PSKH1: variants seen among roughly 807,000 people sequenced by gnomAD.
PSKH1 encodes the protein protein serine kinase H1.
Under a neutral mutation model 26.7 loss-of-function variants are expected in PSKH1, and 12 were observed. That is an observed-to-expected ratio of 0.45 (90% confidence interval 0.29 to 0.73). The LOEUF (loss-of-function observed/expected upper bound fraction) is 0.73. Ranked by LOEUF, PSKH1 falls within the 30% of genes least tolerant of loss-of-function variation. The pLI, the probability that PSKH1 is intolerant of heterozygous loss-of-function variation, is 0.11. For synonymous variants in PSKH1, 213 were observed against 234.3 expected (o/e 0.91, Z 0.83); for missense variants, 431 against 595.2 (o/e 0.72, Z 2.87).
At chr16:67,899,124 G>T (rs77281232) in intron 1 of PSKH1, among the ~76,000 whole-genome samples, 2 of 152,126 alleles carry the variant, frequency 1.3e-5, no homozygotes, top group Non-Finnish European at 2.9e-5. Flanking sequence ...CAGAAATGGG[G>T]CTAGGTTTGG....
chr16:67,914,558 G>A (rs2058181748), intron 2 of PSKH1, among the ~76,000 whole-genome samples: 1 of 151,916 alleles, frequency 6.6e-6, no homozygotes, highest in South Asian at 2.1e-4. Context: ...AGGTTCCAGC[G>A]ATTCTCCTGC....
intron 1 of PSKH1, among the ~76,000 whole-genome samples, chr16:67,896,889 G>C (rs563539940): frequency 6.6e-6 from 1 of 152,252 alleles, no homozygotes; most frequent in South Asian, 2.1e-4. Flanking sequence ...TTCACCTCAG[G>C]CATCTGGTTG....
chr16:67,902,427 T>C (rs1311829149), intron 1 of PSKH1, among the ~76,000 whole-genome samples: 1 of 152,028 alleles, frequency 6.6e-6, no homozygotes, highest in Non-Finnish European at 1.5e-5. Flanking sequence ...CCTGAGCAGC[T>C]GGGATTACAG....
chr16:67,909,531 C>T lies in PSKH1; in HGVS notation c.782C>T (p.Pro261Leu). 6.2e-7 allele frequency: 1 copy of T among 1,613,874 alleles called. No homozygotes were observed. The highest frequency in any genetic ancestry group is 8.5e-7 in the Non-Finnish European group (1 of 1,180,032). ...TTGATGAAGACCACCTGTGGCACGCCTGAGTACATTGCCCCAGAAGTCCTG... is the reference window on the plus strand; with the variant it reads ...TTGATGAAGACCACCTGTGGCACGCTTGAGTACATTGCCCCAGAAGTCCTG... ...DCLMKTTCGTPEYIAPEVLVR... is the reference protein window; with the variant it reads ...DCLMKTTCGTLEYIAPEVLVR... The change falls in exon 2 of 3, where the codon CCT becomes CTT. Residue 261 changes from proline to leucine, a missense_variant. Pro to Leu is a moderately conservative substitution (Grantham distance 98, BLOSUM62 -3). Transcript: ENST00000291041. This position sits in a 1 kb window ranked among gnomAD's most constrained non-coding sequence, Gnocchi z 7.8.
intron 2 of PSKH1, among the ~76,000 whole-genome samples, chr16:67,921,169 T>G (rs1426471715): frequency 6.6e-6 from 1 of 152,020 alleles, no homozygotes; most frequent in South Asian, 2.1e-4. Context: ...TCCCAGCTAC[T>G]TGGGAGGCTG....
chr16:67,897,320 G>T (rs1052857715), intron 1 of PSKH1, among the ~76,000 whole-genome samples: 9 of 152,200 alleles, frequency 5.9e-5, no homozygotes, highest in Non-Finnish European at 1.3e-4. Flanking sequence ...CTTACTCAAG[G>T]AGCATTAAGC....
intron 2 of PSKH1, among the ~76,000 whole-genome samples, chr16:67,912,783 A>C (rs961972747): frequency 2.0e-5 from 3 of 152,054 alleles, no homozygotes; most frequent in African/African-American, 4.8e-5. Context: ...CAGGAGAATC[A>C]CTTGAACCCA....
At chr16:67,918,949 G>A (rs1464710466) in intron 2 of PSKH1, among the ~76,000 whole-genome samples, 1 of 152,150 alleles carries the variant, frequency 6.6e-6, no homozygotes, top group Non-Finnish European at 1.5e-5. Flanking sequence ...AAAATGAGAT[G>A]CAGAGAATGT....
chr16:67,927,384 C>T lies in PSKH1; in HGVS notation c.1017C>T (p.Asp339=). Residue 339 remains aspartate, a synonymous_variant, in exon 3 of 3, where the codon GAC becomes GAT. Transcript: ENST00000291041. The surrounding 1 kb of genome is among the most constrained non-coding windows in gnomAD (Gnocchi z 5.5). The part of the protein sequence containing the change: ...KDFIDRLLTV[D]PGARMTALQA... ...TCATTGACCGCCTGCTGACAGTGGA[C>T]CCTGGAGCCCGTATGACTGCACTGC... 1 of 1,614,134 alleles carries T rather than the reference C, an allele frequency of 6.2e-7. No individual in the cohort carries two copies. Among genetic ancestry groups the T allele is most frequent in the Non-Finnish European group, 8.5e-7 (1 of 1,179,966 alleles).
At chr16:67,918,390 A>G (rs2058193354) in intron 2 of PSKH1, among the ~76,000 whole-genome samples, 1 of 151,776 alleles carries the variant, frequency 6.6e-6, no homozygotes, top group Non-Finnish European at 1.5e-5. Context: ...TTTCTCACAG[A>G]GCCTTGTGAG....
At position 67,927,312 on chromosome 16, in the gene PSKH1, C is replaced by T. The variant is rs1057243959; in HGVS notation, c.958-13C>T. The T allele has an allele frequency of 1.3e-6, 2 of 1,595,106 alleles. No individual in the cohort carries two copies. Among genetic ancestry groups the T allele is most frequent in the Non-Finnish European group, 8.6e-7 (1 of 1,167,662 alleles). On this transcript the variant is annotated splice_polypyrimidine_tract_variant and intron_variant, in intron 2 of 2. Coordinates refer to ENST00000291041, the MANE Select transcript of PSKH1 (RefSeq NM_006742.3). This position sits in a 1 kb window ranked among gnomAD's most constrained non-coding sequence, Gnocchi z 5.5. ...CAGATGCTCTCACTCTAATGCTTGT[C>T]CTTGGTCTCTAGCCCTGGCCTAGTG...
intron 2 of PSKH1, among the ~76,000 whole-genome samples, chr16:67,911,399 C>A (rs2058172935): frequency 6.6e-6 from 1 of 152,158 alleles, no homozygotes; most frequent in Non-Finnish European, 1.5e-5. Flanking sequence ...CACCCAACAG[C>A]TGGCCAGGTG....
Position 67,909,331 on chromosome 16 carries a change from C to G in PSKH1, c.582C>G (p.Asp194Glu). ...CCAAGGGCTCCTTCACCGAGCGTGA[C>G]GCCACGCGGGTGCTGCAGATGGTGC... ...IIAKGSFTER[D>E]ATRVLQMVLD... The change falls in exon 2 of 3, where the codon GAC (aspartate) becomes GAG (glutamate). Residue 194 changes from aspartate to glutamate, a missense_variant. Coordinates refer to ENST00000291041, the MANE Select transcript of PSKH1 (RefSeq NM_006742.3). The surrounding 1 kb of genome is among the most constrained non-coding windows in gnomAD (Gnocchi z 7.8). The G allele has an allele frequency of 6.2e-7, 1 of 1,614,072 alleles. No individual in the cohort carries two copies. The highest frequency in any genetic ancestry group is 8.5e-7 in the Non-Finnish European group (1 of 1,180,022).
chr16:67,895,615 G>C (rs978898395), intron 1 of PSKH1, among the ~76,000 whole-genome samples: 1 of 152,028 alleles, frequency 6.6e-6, no homozygotes, highest in Admixed American at 6.6e-5. Context: ...CATCCTGTTG[G>C]CCAGGCTGGT....
intron 2 of PSKH1, among the ~76,000 whole-genome samples, chr16:67,924,004 T>C (rs1267594771): frequency 6.6e-6 from 1 of 152,186 alleles, no homozygotes; most frequent in Non-Finnish European, 1.5e-5. Flanking sequence ...TTCTAAGCCC[T>C]GTGGGAGGCC....
At chr16:67,924,683 A>G (rs998434378) in intron 2 of PSKH1, among the ~76,000 whole-genome samples, 2 of 152,224 alleles carry the variant, frequency 1.3e-5, no homozygotes, top group African/African-American at 4.8e-5. Context: ...CTGGGCTGTC[A>G]GCCCTGTCTT....
intron 2 of PSKH1, among the ~76,000 whole-genome samples, chr16:67,916,265 C>T (rs1213394949): frequency 1.3e-5 from 2 of 152,186 alleles, no homozygotes; most frequent in South Asian, 2.1e-4. Flanking sequence ...TCTTCACCAG[C>T]GAGTGTCTCG....
At chr16:67,901,523 G>A (rs927735265) in intron 1 of PSKH1, among the ~76,000 whole-genome samples, 23 of 151,154 alleles carry the variant, frequency 1.5e-4, no homozygotes, top group Admixed American at 8.6e-4. Flanking sequence ...TAGTAGAGAC[G>A]GGGTTTCACC....
chr16:67,925,637 TTCC>T (rs1206298325), intron 2 of PSKH1, among the ~76,000 whole-genome samples: 1 of 152,108 alleles, frequency 6.6e-6, no homozygotes, highest in African/African-American at 2.4e-5. Context: ...GACCCTGACT[TTCC>T]TCCTCCTGGG....
Sources: allele counts gnomAD v4.1 joint callset (sites outside exome capture counted in the v4.1 genomes callset), GRCh38; gene constraint gnomAD v4.1.1; non-coding constraint Gnocchi (gnomAD v3.1); transcripts MANE v1.5; gene names NCBI Gene and HGNC (gene_info 2026-07-23, HGNC 2026-07-21).